CDH7: variants seen among roughly 807,000 people sequenced by gnomAD.
The protein encoded by CDH7 is cadherin 7.
In CDH7, 25 loss-of-function variants were observed where a neutral mutation model predicts 71.8. The observed-to-expected ratio is 0.35, with a 90% CI of 0.25 to 0.49. The LOEUF is 0.49. Ranked by LOEUF, CDH7 falls within the 20% of genes least tolerant of loss-of-function variation. CDH7 has a pLI of 0.99. For missense variants in CDH7, 862 were observed against 974.6 expected (o/e 0.88, Z 1.54); for synonymous variants, 381 against 363.8 (o/e 1.05, Z -0.54).
chr18:65,811,016 T>C (rs912563487), intron 3 of CDH7, among the ~76,000 whole-genome samples: 1 of 152,114 alleles, frequency 6.6e-6, no homozygotes, highest in Non-Finnish European at 1.5e-5. Context: ...ACAGCAAGTA[T>C]GTAATTTAAG....
chr18:65,836,144 C>A (rs1355179136), intron 6 of CDH7, among the ~76,000 whole-genome samples: 2 of 152,154 alleles, frequency 1.3e-5, no homozygotes, highest in South Asian at 2.1e-4. Context: ...CTGCCAACAC[C>A]TTGATTTTAG....
At position 65,762,977 on chromosome 18, in the gene CDH7, C is replaced by G. The variant is rs1916243000; in HGVS notation, c.135C>G (p.Thr45=). 1 of 1,613,538 alleles carries G rather than the reference C, an allele frequency of 6.2e-7. No homozygotes were observed. Among genetic ancestry groups the G allele is most frequent in the Admixed American group, 1.7e-5 (1 of 59,936 alleles). Residue 45 remains threonine, a synonymous_variant, in exon 2 of 12, where the codon ACC becomes ACG. Coordinates refer to ENST00000397968, the MANE Select transcript of CDH7 (RefSeq NM_004361.5). ...ATTTCCAATCAGGGAGGTCCCGGAC[C>G]AAGCGCAGCTGGGTGTGGAATCAGT... ...KPYFQSGRSR[T]KRSWVWNQFF...
chr18:65,756,887 C>T (rs998155270), intron 1 of CDH7, among the ~76,000 whole-genome samples: 3 of 152,142 alleles, frequency 2.0e-5, no homozygotes, highest in Non-Finnish European at 4.4e-5. Context: ...TGGCAGTTAG[C>T]CATGTTTTAA....
intron 2 of CDH7, among the ~76,000 whole-genome samples, chr18:65,765,110 T>G (rs1356792845): frequency 2.6e-5 from 4 of 152,130 alleles, no homozygotes; most frequent in African/African-American, 7.2e-5. Context: ...TTTTGCATGC[T>G]GTACATTGGG....
At chr18:65,810,380 G>A (rs763442458) in intron 3 of CDH7, among the ~76,000 whole-genome samples, 86 of 152,176 alleles carry the variant, frequency 5.7e-4, no homozygotes, top group Non-Finnish European at 1.0e-3. Flanking sequence ...TTCTTTCCAT[G>A]ATATTAAGAT....
At chr18:65,783,512 T>C (rs1313619109) in intron 2 of CDH7, among the ~76,000 whole-genome samples, 1 of 152,234 alleles carries the variant, frequency 6.6e-6, no homozygotes, top group Admixed American at 6.5e-5. Context: ...CAAATGACCA[T>C]TGTGTCTTAA....
chr18:65,769,844 C>T (rs1213910843), intron 2 of CDH7, among the ~76,000 whole-genome samples: 1 of 152,106 alleles, frequency 6.6e-6, no homozygotes, highest in African/African-American at 2.4e-5. Flanking sequence ...TCCCTTCTCA[C>T]TGTATCACGT....
chr18:65,844,543 T>A (rs578009113), intron 7 of CDH7, among the ~76,000 whole-genome samples: 96 of 152,138 alleles, frequency 6.3e-4, no homozygotes, highest in African/African-American at 2.0e-3. Flanking sequence ...TTAATTTTTT[T>A]AAAAAAACTA....
intron 11 of CDH7, among the ~76,000 whole-genome samples, chr18:65,867,860 G>A (rs1335070959): frequency 2.0e-5 from 3 of 152,176 alleles, no homozygotes; most frequent in Non-Finnish European, 2.9e-5. Context: ...GCTGTTTACT[G>A]CATGGGATTC....
At chr18:65,828,988 C>A (rs1349359121) in intron 6 of CDH7, among the ~76,000 whole-genome samples, 3 of 152,008 alleles carry the variant, frequency 2.0e-5, no homozygotes, top group Non-Finnish European at 2.9e-5. Flanking sequence ...CAAAATAGAT[C>A]TGATTTTTAA....
At chr18:65,752,782 G>A (rs1021052422) in intron 1 of CDH7, among the ~76,000 whole-genome samples, 29 of 152,196 alleles carry the variant, frequency 1.9e-4, no homozygotes, top group African/African-American at 7.0e-4. Context: ...GTCTGTCTGA[G>A]GAAAGAAAAA....
upstream of CDH7, chr18:65,750,993 G>A (rs1568166225): frequency 3.3e-5 from 5 of 152,238 alleles, no homozygotes; most frequent in South Asian, 1.0e-3. Context: ...GCCCGAGCGG[G>A]TGTCGAGCCG....
At chr18:65,874,727 A>G (rs1354749018) in intron 11 of CDH7, among the ~76,000 whole-genome samples, 1 of 151,666 alleles carries the variant, frequency 6.6e-6, no homozygotes, top group Non-Finnish European at 1.5e-5. Flanking sequence ...ATATGCATAT[A>G]TAAATGTATA....
intron 2 of CDH7, among the ~76,000 whole-genome samples, chr18:65,791,297 A>T (rs756978210): frequency 6.6e-6 from 1 of 152,214 alleles, no homozygotes; most frequent in East Asian, 1.9e-4. Context: ...ATATTTTTAC[A>T]TACAAATTAG....
intron 3 of CDH7, among the ~76,000 whole-genome samples, chr18:65,810,343 A>G (rs1018054666): frequency 6.6e-6 from 1 of 152,198 alleles, no homozygotes; most frequent in African/African-American, 2.4e-5. Context: ...ATTCTTCCAG[A>G]CACAGGCCAG....
At chr18:65,755,356 A>G (rs545766946) in intron 1 of CDH7, among the ~76,000 whole-genome samples, 17 of 152,320 alleles carry the variant, frequency 1.1e-4, no homozygotes, top group South Asian at 4.1e-4. Flanking sequence ...ACATGTCATC[A>G]ATCTGTGGTT....
intron 2 of CDH7, among the ~76,000 whole-genome samples, chr18:65,786,164 G>C (rs1173140006): frequency 6.6e-6 from 1 of 151,854 alleles, no homozygotes; most frequent in Non-Finnish European, 1.5e-5. Flanking sequence ...TCTGTCTGTA[G>C]ACTGAATGTA....
chr18:65,861,339 T>TGTGTG lies in CDH7; in HGVS notation c.1613-1327_1613-1326insGTGTG, dbSNP rs1568226061. On this transcript the variant is annotated intron_variant, in intron 10 of 11. Transcript: ENST00000397968. ...CTCAATTCACCGTGTGTGTGTGTGTTTGTGTGTGTGTGTGTGTGTGTGATT... is the reference window on the plus strand; with the variant it reads ...CTCAATTCACCGTGTGTGTGTGTGTTGTGTGTGTGTGTGTGTGTGTGTGTGTGATT... 4.4e-3 allele frequency among the ~76,000 whole-genome samples: 95 copies of TGTGTG among 21,504 alleles called. 3 individuals carry two copies. Among genetic ancestry groups the TGTGTG allele is most frequent in the Middle Eastern group, 0.023 (1 of 44 alleles). The allele number at this position is 21,504 out of a possible 152,430, so 14.1% of individuals were successfully genotyped here.
chr18:65,812,350 G>A (rs915215187), intron 3 of CDH7, among the ~76,000 whole-genome samples: 2 of 152,088 alleles, frequency 1.3e-5, no homozygotes, highest in East Asian at 3.9e-4. Context: ...ATTTTCTGAT[G>A]TCTTCAGGGT....
Sources: gnomAD v4.1 joint callset for allele counts (sites outside exome capture counted in the v4.1 genomes callset) on GRCh38, gnomAD v4.1.1 for gene constraint, MANE v1.5 for transcripts, NCBI Gene and HGNC (gene_info 2026-07-23, HGNC 2026-07-21) for gene names.